The following PDE8A variants were observed in gnomAD, a reference collection of about 807,000 sequenced individuals.
PDE8A encodes the protein high affinity cAMP-specific and IBMX-insensitive 3',5'-cyclic phosphodiesterase 8A.
In PDE8A, 59 loss-of-function variants were observed where a neutral mutation model predicts 105.0. The observed-to-expected ratio is 0.56, with a 90% CI of 0.46 to 0.70. PDE8A has a LOEUF of 0.70. PDE8A is among the 30% of genes least tolerant of loss of function. PDE8A has a pLI of 0.00. For synonymous variants in PDE8A, 355 were observed against 371.9 expected (o/e 0.95, Z 0.52); for missense variants, 1,014 against 1,045.9 (o/e 0.97, Z 0.42).
chr15:85,133,430 C>G (rs1203952869), intron 20 of PDE8A, among the ~76,000 whole-genome samples: 1 of 152,186 alleles, frequency 6.6e-6, no homozygotes, highest in African/African-American at 2.4e-5. Flanking sequence ...TCAAGGGACA[C>G]AGCTGGAAAC....
At chr15:85,021,694 G>A (rs1417398853) in intron 1 of PDE8A, among the ~76,000 whole-genome samples, 1 of 152,162 alleles carries the variant, frequency 6.6e-6, no homozygotes, top group African/African-American at 2.4e-5. Flanking sequence ...AAATTATCAT[G>A]TCTCTCTAGT....
chr15:85,013,088 T>A (rs980527820), intron 1 of PDE8A, among the ~76,000 whole-genome samples: 4 of 152,128 alleles, frequency 2.6e-5, no homozygotes, highest in African/African-American at 9.7e-5. Flanking sequence ...TCTAGTTGCT[T>A]AGAATTAAGG....
chr15:85,056,684 G>A (rs2081065090), intron 1 of PDE8A, among the ~76,000 whole-genome samples: 1 of 152,102 alleles, frequency 6.6e-6, no homozygotes, highest in Non-Finnish European at 1.5e-5. Flanking sequence ...TATTCTCTAT[G>A]CTGTTTATTC....
At chr15:85,004,703 G>A (rs2080118085) in intron 1 of PDE8A, among the ~76,000 whole-genome samples, 1 of 152,192 alleles carries the variant, frequency 6.6e-6, no homozygotes, top group South Asian at 2.1e-4. Context: ...GAATCTCTAA[G>A]TTCTGCTTCC....
At chr15:85,128,351 T>A (rs539638130) in intron 20 of PDE8A, among the ~76,000 whole-genome samples, 65 of 151,888 alleles carry the variant, frequency 4.3e-4, no homozygotes, top group East Asian at 1.7e-3. Context: ...GAAAAAAAAA[T>A]TTTTTTAATT....
intron 20 of PDE8A, among the ~76,000 whole-genome samples, chr15:85,133,119 T>C (rs1187945053): frequency 6.6e-6 from 1 of 152,218 alleles, no homozygotes; most frequent in African/African-American, 2.4e-5. Context: ...GAGCATGTCT[T>C]GTCTGGGTCT....
chr15:85,074,715 C>A (rs761561814), intron 3 of PDE8A, among the ~76,000 whole-genome samples: 1 of 152,160 alleles, frequency 6.6e-6, no homozygotes, highest in Admixed American at 6.5e-5. Context: ...GAATCTCTTA[C>A]GCATCTGGAA....
In PDE8A at chr15:85,113,536, G is replaced by T. The variant is rs150030312; in HGVS notation, c.1185+89G>T. ...TTCCAATGAGAAGAAACAGGGACCC[G>T]CAGTAATGAGCATGCTGTCATAGTT... On this transcript the variant is annotated intron_variant, in intron 13 of 21. Coordinates refer to ENST00000394553, the MANE Select transcript of PDE8A (RefSeq NM_002605.3). The T allele has an allele frequency of 4.7e-6, 5 of 1,071,500 alleles. No homozygotes were observed. In the African/African-American group the frequency reaches 7.7e-5, roughly 17 times the overall value. 66.4% of individuals were successfully genotyped at this position (1,071,500 alleles called of 1,614,324 possible).
chr15:85,074,806 G>T (rs1389039180), intron 3 of PDE8A, among the ~76,000 whole-genome samples: 2 of 152,206 alleles, frequency 1.3e-5, no homozygotes, highest in South Asian at 2.1e-4. Flanking sequence ...TTCAGAAGTG[G>T]CTCTATACCT....
intron 1 of PDE8A, among the ~76,000 whole-genome samples, chr15:85,016,920 C>G (rs184818669): frequency 1.6e-3 from 230 of 148,346 alleles, no homozygotes; most frequent in Non-Finnish European, 2.5e-3. Context: ...GTAGGATTTT[C>G]TCTTCCATTA....
At chr15:85,015,574 A>G (rs1343479589) in intron 1 of PDE8A, among the ~76,000 whole-genome samples, 3 of 152,210 alleles carry the variant, frequency 2.0e-5, no homozygotes, top group African/African-American at 7.2e-5. Flanking sequence ...CCAGCAGTGT[A>G]TCAGAAAGTA....
intron 18 of PDE8A, among the ~76,000 whole-genome samples, chr15:85,121,333 C>T (rs2082178629): frequency 6.9e-6 from 1 of 144,460 alleles, no homozygotes; most frequent in South Asian, 2.1e-4. Flanking sequence ...GGGAGGATTG[C>T]TTGAGCCCAG....
intron 5 of PDE8A, among the ~76,000 whole-genome samples, chr15:85,079,048 AC>A (rs772722311): frequency 4.6e-5 from 7 of 152,052 alleles, no homozygotes; most frequent in Non-Finnish European, 1.0e-4. Flanking sequence ...TGAGCTATAA[AC>A]CCTGCCATGT....
At chr15:85,099,741 C>A (rs2081826449) in intron 9 of PDE8A, 2 of 434,312 alleles carry the variant, frequency 4.6e-6, no homozygotes, top group Non-Finnish European at 8.1e-6. Flanking sequence ...GGTTAACATG[C>A]AGTTCATTTT....
At chr15:85,061,906 C>G (rs2081151880) in intron 1 of PDE8A, among the ~76,000 whole-genome samples, 1 of 152,078 alleles carries the variant, frequency 6.6e-6, no homozygotes, top group Non-Finnish European at 1.5e-5. Flanking sequence ...ATTTTTCATT[C>G]CAGTTATTGT....
chr15:85,045,885 G>T (rs960623727), intron 1 of PDE8A, among the ~76,000 whole-genome samples: 24 of 152,132 alleles, frequency 1.6e-4, no homozygotes, highest in Admixed American at 1.2e-3. Flanking sequence ...GTATGGTTCA[G>T]ACCAAAATTG....
At chr15:85,099,666 A>G in intron 9 of PDE8A, 1 of 229,324 alleles carries the variant, frequency 4.4e-6, no homozygotes, top group Non-Finnish European at 8.5e-6. Flanking sequence ...TGGAACTTGA[A>G]GAAAAGCATC....
intron 3 of PDE8A, among the ~76,000 whole-genome samples, chr15:85,067,511 A>G (rs2081248509): frequency 6.6e-6 from 1 of 152,180 alleles, no homozygotes; most frequent in Non-Finnish European, 1.5e-5. Context: ...ATAATTTTTC[A>G]GATTGTTTTC....
intron 1 of PDE8A, among the ~76,000 whole-genome samples, chr15:85,058,624 T>C (rs2141437182): frequency 6.6e-6 from 1 of 152,292 alleles, no homozygotes; most frequent in South Asian, 2.1e-4. Flanking sequence ...TATGATTTGG[T>C]CTTCGTACTT....
Sources: allele counts gnomAD v4.1 joint callset (sites outside exome capture counted in the v4.1 genomes callset), GRCh38; gene constraint gnomAD v4.1.1; transcripts MANE v1.5; gene names NCBI Gene and HGNC (gene_info 2026-07-23, HGNC 2026-07-21).